Variants in RNGTT observed in about 807,000 individuals in gnomAD.
The protein encoded by RNGTT is RNA guanylyltransferase and 5'-phosphatase.
Under a neutral mutation model 79.3 loss-of-function variants are expected in RNGTT, and 33 were observed. The observed-to-expected ratio is 0.42, with a 90% confidence interval of 0.32 to 0.56. The LOEUF is 0.56. Among genes scored for constraint, RNGTT ranks in the 20% least tolerant of loss-of-function variants. The pLI is 0.17. For synonymous variants in RNGTT, 222 were observed against 235.9 expected (o/e 0.94, Z 0.54); for missense variants, 497 against 739.1 (o/e 0.67, Z 3.80).
intron 8 of RNGTT, among the ~76,000 whole-genome samples, chr6:88,877,019 CT>C (rs372858688): frequency 2.0e-5 from 3 of 152,208 alleles, no homozygotes; most frequent in South Asian, 2.1e-4. Flanking sequence ...TTTAAGGGAC[CT>C]TTTTATCCTT....
chr6:88,962,614 A>C (rs904825969), intron 1 of RNGTT, among the ~76,000 whole-genome samples: 2 of 152,122 alleles, frequency 1.3e-5, no homozygotes, highest in African/African-American at 2.4e-5. Context: ...CTCTACTAAA[A>C]ACAAAAATTA....
chr6:88,667,453 G>A (rs1774459552), intron 14 of RNGTT, among the ~76,000 whole-genome samples: 1 of 152,146 alleles, frequency 6.6e-6, no homozygotes, highest in Admixed American at 6.5e-5. Context: ...TGCTAGGCAG[G>A]GTCCAACCAT....
chr6:88,847,904 A>G (rs1161163485), intron 10 of RNGTT, among the ~76,000 whole-genome samples: 3 of 151,958 alleles, frequency 2.0e-5, no homozygotes, highest in African/African-American at 7.2e-5. Flanking sequence ...GAGACAGAAA[A>G]CCAAATAGAA....
intron 12 of RNGTT, among the ~76,000 whole-genome samples, chr6:88,775,430 C>A (rs1778844216): frequency 6.6e-6 from 1 of 152,160 alleles, no homozygotes; most frequent in African/African-American, 2.4e-5. Context: ...CTTCCTAGTC[C>A]TGAACAGTAG....
At chr6:88,949,626 C>A (rs909257448) in intron 1 of RNGTT, among the ~76,000 whole-genome samples, 6 of 152,070 alleles carry the variant, frequency 3.9e-5, no homozygotes, top group Non-Finnish European at 7.4e-5. Flanking sequence ...ATCAAACCAG[C>A]CACAACATTT....
intron 13 of RNGTT, among the ~76,000 whole-genome samples, chr6:88,736,322 A>G (rs776699222): frequency 8.5e-5 from 13 of 152,204 alleles, no homozygotes; most frequent in Non-Finnish European, 1.6e-4. Context: ...AACTCATTCT[A>G]TGAGAACATT....
rs1771971875 is a variant in RNGTT, at chr6:88,610,200, A to G, written c.*2519T>C. On this transcript the variant is annotated 3_prime_UTR_variant, in exon 16 of 16. Transcript: ENST00000369485. ...GATTACACTGGGTGTGGCTGACAGCAGTAGGATGTGATGCCAGCAATAGAA... is the reference window on the plus strand; with the variant it reads ...GATTACACTGGGTGTGGCTGACAGCGGTAGGATGTGATGCCAGCAATAGAA... 2 of 152,664 alleles carry G rather than the reference A, an allele frequency of 1.3e-5. No individual in the cohort carries two copies. Among genetic ancestry groups the G allele is most frequent in the Non-Finnish European group, 2.9e-5 (2 of 68,040 alleles). The allele number at this position is 152,664 out of a possible 1,614,324, so 9.5% of individuals were successfully genotyped here. A position where few individuals can be genotyped will look rare whatever the true frequency, so the allele number is the denominator to read the frequency against.
intron 12 of RNGTT, among the ~76,000 whole-genome samples, chr6:88,789,112 C>T (rs1249012953): frequency 1.3e-5 from 2 of 152,076 alleles, no homozygotes; most frequent in Admixed American, 1.3e-4. Context: ...CAATAACTTG[C>T]TAGGATTCAA....
At chr6:88,647,840 T>C (rs988500656) in intron 14 of RNGTT, among the ~76,000 whole-genome samples, 4 of 151,720 alleles carry the variant, frequency 2.6e-5, no homozygotes, top group South Asian at 2.1e-4. Context: ...AATCCTCTTA[T>C]GAAAAGTAAG....
intron 1 of RNGTT, among the ~76,000 whole-genome samples, chr6:88,948,644 A>G (rs1383036952): frequency 3.5e-5 from 5 of 141,738 alleles, no homozygotes; most frequent in South Asian, 2.4e-4. Flanking sequence ...GGCCAGGATG[A>G]CAATGGCGGC....
At chr6:88,768,979 T>C (rs939842453) in intron 13 of RNGTT, among the ~76,000 whole-genome samples, 2 of 152,204 alleles carry the variant, frequency 1.3e-5, no homozygotes, top group Non-Finnish European at 2.9e-5. Context: ...GCTCTGCAAA[T>C]GCAAACATGA....
intron 13 of RNGTT, among the ~76,000 whole-genome samples, chr6:88,699,623 C>T (rs1436211744): frequency 6.6e-6 from 1 of 152,074 alleles, no homozygotes; most frequent in Non-Finnish European, 1.5e-5. Flanking sequence ...CATGATAGTG[C>T]CACTGTACTC....
chr6:88,912,654 GA>G (rs1033588137), intron 4 of RNGTT, among the ~76,000 whole-genome samples: 6 of 149,598 alleles, frequency 4.0e-5, no homozygotes, highest in East Asian at 1.9e-4. Flanking sequence ...GATTAACAAA[GA>G]AAAAAAAAGA....
At chr6:88,790,215 T>G (rs919693576) in intron 12 of RNGTT, among the ~76,000 whole-genome samples, 1 of 152,174 alleles carries the variant, frequency 6.6e-6, no homozygotes, top group South Asian at 2.1e-4. Context: ...TCATTCCTGG[T>G]GCAGTGCCCC....
At chr6:88,802,470 T>G (rs1263365045) in intron 11 of RNGTT, among the ~76,000 whole-genome samples, 3 of 152,226 alleles carry the variant, frequency 2.0e-5, no homozygotes, top group Non-Finnish European at 4.4e-5. Context: ...GAACTCAACA[T>G]GTATATCACT....
chr6:88,754,887 T>C (rs890083903), intron 13 of RNGTT, among the ~76,000 whole-genome samples: 1 of 152,224 alleles, frequency 6.6e-6, no homozygotes, highest in Non-Finnish European at 1.5e-5. Flanking sequence ...CTATAATCTA[T>C]AGAAACAATG....
chr6:88,627,373 C>A (rs972566365), intron 14 of RNGTT, among the ~76,000 whole-genome samples: 1 of 152,116 alleles, frequency 6.6e-6, no homozygotes, highest in African/African-American at 2.4e-5. Context: ...GGAGTCCTTA[C>A]ATTTACTTTC....
intron 11 of RNGTT, among the ~76,000 whole-genome samples, chr6:88,837,619 A>G (rs1781125226): frequency 6.6e-6 from 1 of 152,144 alleles, no homozygotes. Flanking sequence ...ATATATTAAG[A>G]CAAAGTAGGG....
chr6:88,812,040 T>C (rs1402280553), intron 11 of RNGTT, among the ~76,000 whole-genome samples: 1 of 152,172 alleles, frequency 6.6e-6, no homozygotes, highest in African/African-American at 2.4e-5. Flanking sequence ...TGAATGTCCT[T>C]CTAATCAGTA....
Sources: allele counts gnomAD v4.1 joint callset (sites outside exome capture counted in the v4.1 genomes callset), GRCh38; gene constraint gnomAD v4.1.1; transcripts MANE v1.5; gene names NCBI Gene and HGNC (gene_info 2026-07-23, HGNC 2026-07-21).